TLN2: variants seen among roughly 807,000 people sequenced by gnomAD.
TLN2 encodes talin-2.
A neutral mutation model predicts 294.7 loss-of-function variants in TLN2; 118 were observed. That is an observed-to-expected ratio of 0.40 (90% CI 0.34 to 0.47). The LOEUF (loss-of-function observed/expected upper bound fraction) is 0.47, where lower values mean the gene tolerates loss of function less well. TLN2 is among the 20% of genes least tolerant of loss of function. The pLI, the probability that TLN2 is intolerant of heterozygous loss-of-function variation, is 0.84. For missense variants in TLN2, 3,083 were observed against 3,282.2 expected (o/e 0.94, Z 1.48); for synonymous variants, 1,431 against 1,304.5 (o/e 1.10, Z -2.09).
intron 1 of TLN2, among the ~76,000 whole-genome samples, chr15:62,505,840 G>C (rs1360970246): frequency 1.3e-5 from 2 of 152,112 alleles, no homozygotes; most frequent in Non-Finnish European, 2.9e-5. Flanking sequence ...GGGGGCGGAC[G>C]GGGAAGGGGA....
chr15:62,668,641 G>C (rs928879332), intron 9 of TLN2, among the ~76,000 whole-genome samples: 1 of 152,206 alleles, frequency 6.6e-6, no homozygotes, highest in Admixed American at 6.5e-5. Context: ...GGTCCCCAGT[G>C]CCCACGGATG....
At chr15:62,696,729 A>G (rs2058367406) in intron 14 of TLN2, among the ~76,000 whole-genome samples, 1 of 152,200 alleles carries the variant, frequency 6.6e-6, no homozygotes, top group Admixed American at 6.5e-5. Context: ...ATTTTAAAAA[A>G]TGCAATTTTT....
At chr15:62,757,787 A>C (rs1385188250) in intron 37 of TLN2, among the ~76,000 whole-genome samples, 2 of 152,194 alleles carry the variant, frequency 1.3e-5, no homozygotes, top group African/African-American at 4.8e-5. Context: ...GGAGCAATGC[A>C]AGAGGAACAG....
chr15:62,648,383 C>T (rs59481261), intron 4 of TLN2, among the ~76,000 whole-genome samples: 3,841 of 113,158 alleles, frequency 0.034, 183 homozygotes, highest in African/African-American at 0.12. Flanking sequence ...CCAGCCTGGG[C>T]GATGAAGCGA....
chr15:62,425,936 G>C (rs1394864565), intron 1 of TLN2, among the ~76,000 whole-genome samples: 1 of 152,226 alleles, frequency 6.6e-6, no homozygotes, highest in Non-Finnish European at 1.5e-5. Context: ...AGAGCTGCCA[G>C]GATAAACCAC....
intron 16 of TLN2, among the ~76,000 whole-genome samples, chr15:62,699,139 G>A (rs1158834154): frequency 6.6e-6 from 1 of 152,146 alleles, no homozygotes; most frequent in East Asian, 1.9e-4. Flanking sequence ...TCCAGTACTG[G>A]CTGTGTGAAT....
intron 46 of TLN2, among the ~76,000 whole-genome samples, chr15:62,794,922 G>A (rs1180151554): frequency 6.6e-6 from 1 of 152,308 alleles, no homozygotes; most frequent in East Asian, 1.9e-4. Context: ...TCTTTGGGTC[G>A]TAGTCAAGGG....
At chr15:62,651,828 G>A (rs115134529) in intron 5 of TLN2, among the ~76,000 whole-genome samples, 177 bp from the exon 6 acceptor site, 6,490 of 152,178 alleles carry the variant, frequency 0.043, 493 homozygotes, top group African/African-American at 0.15. Context: ...ATCTCTAAAA[G>A]ACGTAGTGGC....
chr15:62,757,447 C>T (rs1221120193), intron 37 of TLN2, among the ~76,000 whole-genome samples: 2 of 152,136 alleles, frequency 1.3e-5, no homozygotes, highest in Admixed American at 6.5e-5. Context: ...ATTTTCTGGT[C>T]GTTAAAAAAC....
At position 62,484,646 on chromosome 15, in the gene TLN2, C is replaced by T. The variant is rs188154878; in HGVS notation, c.-238+93961C>T. 2.9e-3 allele frequency among the ~76,000 whole-genome samples: 446 copies of T among 152,158 alleles called. 2 individuals carry two copies. Among genetic ancestry groups the T allele is most frequent in the Non-Finnish European group, 4.0e-3 (272 of 67,998 alleles). On this transcript the variant is annotated intron_variant, in intron 1 of 58. Transcript: ENST00000636159. ...TTCACCATGTTGGCCAGGCTGATCT[C>T]GAACTCCTGACCTCATGATCCACCC...
At chr15:62,680,343 A>G (rs77763899) in intron 11 of TLN2, among the ~76,000 whole-genome samples, 1,557 of 152,290 alleles carry the variant, frequency 0.01, 33 homozygotes, top group African/African-American at 0.035. Context: ...AACATTTTGT[A>G]ATTTTCAGCT....
At chr15:62,541,139 G>A (rs571920738) in intron 1 of TLN2, among the ~76,000 whole-genome samples, 1 of 152,258 alleles carries the variant, frequency 6.6e-6, no homozygotes, top group South Asian at 2.1e-4. Flanking sequence ...GTCACCCCGA[G>A]TAGATGATTT....
chr15:62,512,795 C>G (rs16945197), intron 1 of TLN2, among the ~76,000 whole-genome samples: 29,693 of 152,138 alleles, frequency 0.2, 3,588 homozygotes, highest in African/African-American at 0.34. Flanking sequence ...CACAAATCCT[C>G]CATGCTGCTC....
intron 1 of TLN2, among the ~76,000 whole-genome samples, chr15:62,505,066 C>T (rs895327283): frequency 6.6e-6 from 1 of 152,142 alleles, no homozygotes; most frequent in African/African-American, 2.4e-5. Flanking sequence ...AAGCGATTCT[C>T]CTGCCTCAGC....
intron 1 of TLN2, among the ~76,000 whole-genome samples, chr15:62,391,052 G>A (rs1297376466): frequency 2.0e-5 from 3 of 152,218 alleles, no homozygotes; most frequent in African/African-American, 7.2e-5. Context: ...TGGGTTTCCG[G>A]TAACTGGGCT....
intron 1 of TLN2, among the ~76,000 whole-genome samples, chr15:62,477,182 A>T (rs1389496649): frequency 2.6e-5 from 4 of 152,178 alleles, no homozygotes; most frequent in African/African-American, 7.2e-5. Context: ...TGTTCTAATT[A>T]CTCTAAAGCA....
At chr15:62,739,172 T>TG (rs1337414199) in intron 30 of TLN2, among the ~76,000 whole-genome samples, 176 bp from the exon 31 acceptor site, 6 of 152,218 alleles carry the variant, frequency 3.9e-5, no homozygotes, top group African/African-American at 1.4e-4. Flanking sequence ...AATGAATGGA[T>TG]GTATATGTTG....
chr15:62,482,415 C>CA (rs2038152400), intron 1 of TLN2, among the ~76,000 whole-genome samples: 1 of 151,438 alleles, frequency 6.6e-6, no homozygotes, highest in Non-Finnish European at 1.5e-5. Context: ...CCAGCCTGAC[C>CA]AACATGGAGA....
chr15:62,472,786 C>T (rs972868713), intron 1 of TLN2, among the ~76,000 whole-genome samples: 2 of 152,090 alleles, frequency 1.3e-5, no homozygotes, highest in Non-Finnish European at 2.9e-5. Context: ...TTTCTCCGAC[C>T]GACGGATGAC....
Sources: gnomAD v4.1 joint callset for allele counts (sites outside exome capture counted in the v4.1 genomes callset) on GRCh38, gnomAD v4.1.1 for gene constraint, MANE v1.5 for transcripts, NCBI Gene and HGNC (gene_info 2026-07-23, HGNC 2026-07-21) for gene names.